The following RAB33A variants were observed in gnomAD, a reference collection of about 807,000 sequenced individuals.
RAB33A encodes RAB33A, member RAS oncogene family, also known as ras-related protein Rab-33A.
A neutral mutation model predicts 12.0 loss-of-function variants in RAB33A; 6 were observed. The ratio of observed to expected loss-of-function variants is 0.50; its 90% confidence interval spans 0.27 to 0.99. The LOEUF is 0.99. RAB33A is among the 50% of genes least tolerant of loss of function. The pLI, the probability that RAB33A is intolerant of heterozygous loss-of-function variation, is 0.11. For missense variants in RAB33A, 109 were observed against 192.0 expected (o/e 0.57, Z 2.55); for synonymous variants, 70 against 82.4 (o/e 0.85, Z 0.81).
the RAB33A span, among the ~76,000 whole-genome samples, chrX:130,134,053 T>C: frequency 4.5e-5 from 5 of 110,349 alleles, no homozygotes; most frequent in Non-Finnish European, 9.5e-5. Context: ...CTGGCCAATA[T>C]GGTGAAACCC....
chrX:130,110,729 G>A, the RAB33A span: 2 of 105,262 alleles, frequency 1.9e-5, no homozygotes. Context: ...GTGAGACGGC[G>A]GCGCCCCTGA....
At chrX:130,160,588 A>C in the RAB33A span, among the ~76,000 whole-genome samples, 1 of 112,058 alleles carries the variant, frequency 8.9e-6, no homozygotes, top group East Asian at 2.8e-4. Flanking sequence ...TATTACTATT[A>C]AAATTTTTTT....
At chrX:130,118,791 TGA>T in the RAB33A span, among the ~76,000 whole-genome samples, 4 of 110,913 alleles carry the variant, frequency 3.6e-5, no homozygotes, top group African/African-American at 1.3e-4. Context: ...CTCACAGATG[TGA>T]GTGAGGGCAT....
intron 1 of RAB33A, among the ~76,000 whole-genome samples, chrX:130,174,399 T>C (rs1045220036): frequency 5.4e-5 from 6 of 111,990 alleles, no homozygotes; most frequent in Non-Finnish European, 1.1e-4. Context: ...GTGACCCTGC[T>C]TCTTGTAAAG....
At chrX:130,143,240 G>A in the RAB33A span, among the ~76,000 whole-genome samples, 1 of 111,567 alleles carries the variant, frequency 9.0e-6, no homozygotes, top group Non-Finnish European at 1.9e-5. Context: ...CTCTCTATCT[G>A]AGCCCAAGTC....
chrX:130,145,442 C>A, the RAB33A span: 1 of 1,072,416 alleles, frequency 9.3e-7, no homozygotes, highest in Non-Finnish European at 1.3e-6. Context: ...TGGGCAAGTA[C>A]GTAGAGCCTG....
At chrX:130,159,249 A>C in the RAB33A span, among the ~76,000 whole-genome samples, 1 of 59,363 alleles carries the variant, frequency 1.7e-5, no homozygotes, top group African/African-American at 6.5e-5. Context: ...TCAATTTCTG[A>C]ATTACAGATA....
chrX:130,152,986 G>A, the RAB33A span, among the ~76,000 whole-genome samples: 1 of 110,380 alleles, frequency 9.1e-6, no homozygotes, highest in African/African-American at 3.3e-5. Flanking sequence ...TCATAAAATG[G>A]GTTGTAAAAG....
chrX:130,144,768 C>T, the RAB33A span, among the ~76,000 whole-genome samples: 1 of 112,383 alleles, frequency 8.9e-6, no homozygotes, highest in Non-Finnish European at 1.9e-5. Context: ...CCCTAGAGGG[C>T]AGGGCCTGAA....
chrX:130,113,077 C>CTTTTTTTTTTTTTTTTTTTTT, the RAB33A span, among the ~76,000 whole-genome samples: 3 of 46,977 alleles, frequency 6.4e-5, no homozygotes, highest in Non-Finnish European at 1.1e-4. Context: ...TTTTTTCCTT[C>CTTTTTTTTTTTTTTTTTTTTT]TTTTTTTTTT....
chrX:130,121,211 T>C, the RAB33A span, among the ~76,000 whole-genome samples: 1 of 111,521 alleles, frequency 9.0e-6, no homozygotes, highest in East Asian at 2.8e-4. Context: ...GCACACCCTT[T>C]GAAACTTCCC....
the RAB33A span, among the ~76,000 whole-genome samples, chrX:130,128,822 G>C: frequency 8.9e-6 from 1 of 111,998 alleles, no homozygotes; most frequent in African/African-American, 3.2e-5. Flanking sequence ...TGAAGCACCA[G>C]GTCTCTGAAC....
the RAB33A span, chrX:130,130,045 G>A: frequency 5.8e-6 from 7 of 1,211,923 alleles, no homozygotes; most frequent in Non-Finnish European, 6.7e-6. Flanking sequence ...TGAGGTAGAA[G>A]ATGACACCTT....
At chrX:130,122,360 C>A in the RAB33A span, among the ~76,000 whole-genome samples, 54,391 of 111,834 alleles carry the variant, frequency 0.49, 9,999 homozygotes, top group African/African-American at 0.67. Flanking sequence ...TCCAGAGGGG[C>A]ATAGTCCGTA....
chrX:130,170,787 G>A (rs953139102), upstream of RAB33A, among the ~76,000 whole-genome samples: 1 of 112,752 alleles, frequency 8.9e-6, no homozygotes, highest in African/African-American at 3.2e-5. Flanking sequence ...TGAAACTCCA[G>A]CGTTCTGGAG....
chrX:130,169,791 A>G (rs1421767586), upstream of RAB33A, among the ~76,000 whole-genome samples: 1 of 112,336 alleles, frequency 8.9e-6, no homozygotes, highest in Non-Finnish European at 1.9e-5. Flanking sequence ...AATATCTCTC[A>G]GGAAGTTAGC....
chrX:130,144,659 C>G, the RAB33A span, among the ~76,000 whole-genome samples: 3 of 111,765 alleles, frequency 2.7e-5, no homozygotes, highest in Admixed American at 9.5e-5. Flanking sequence ...CTACTGGGCA[C>G]CCTTCCCAGT....
upstream of RAB33A, chrX:130,171,843 AG>A (rs1352563403): frequency 2.5e-6 from 1 of 405,955 alleles, no homozygotes; most frequent in Non-Finnish European, 4.2e-6. Flanking sequence ...AGCTGCAAGG[AG>A]GGTGCGCTGG....
chrX:130,138,062 C>CA, the RAB33A span: 519 of 39,626 alleles, frequency 0.013, 4 homozygotes, highest in South Asian at 0.061. Context: ...AACTCCATCT[C>CA]AAAAAAAAAA....
Sources: gnomAD v4.1 joint callset for allele counts (sites outside exome capture counted in the v4.1 genomes callset) on GRCh38, gnomAD v4.1.1 for gene constraint, MANE v1.5 for transcripts, NCBI Gene and HGNC (gene_info 2026-07-23, HGNC 2026-07-21) for gene names.